The following MALRD1 variants were observed in gnomAD, a reference collection of about 807,000 sequenced individuals.
The protein encoded by MALRD1 is MAM and LDL receptor class A domain containing 1, also known as MAM and LDL-receptor class A domain-containing protein 1.
MALRD1 carries 247 observed loss-of-function variants against 242.1 expected under a neutral mutation model. That is an observed-to-expected ratio of 1.02 (90% CI 0.92 to 1.13). The LOEUF (loss-of-function observed/expected upper bound fraction) is 1.13, where lower values mean the gene tolerates loss of function less well. Ranked by LOEUF, MALRD1 falls within the 50% of genes most tolerant of loss-of-function variation. The pLI is 0.00. For missense variants in MALRD1, 2,989 were observed against 2,533.1 expected (o/e 1.18, Z -3.86); for synonymous variants, 995 against 866.6 (o/e 1.15, Z -2.60).
chr10:19,350,271 C>CTTTTT (rs202204577), intron 25 of MALRD1, among the ~76,000 whole-genome samples: 2 of 118,482 alleles, frequency 1.7e-5, no homozygotes, highest in Non-Finnish European at 3.3e-5. Context: ...TTCTTTTTTT[C>CTTTTT]TTTTTTTTTT....
intron 31 of MALRD1, among the ~76,000 whole-genome samples, chr10:19,500,217 G>A (rs966166033): frequency 6.6e-6 from 1 of 152,136 alleles, no homozygotes; most frequent in African/African-American, 2.4e-5. Context: ...CCTTTAAATT[G>A]AATATTCTAA....
At chr10:19,180,070 G>A (rs751772628) in intron 14 of MALRD1, among the ~76,000 whole-genome samples, 1 of 152,128 alleles carries the variant, frequency 6.6e-6, no homozygotes, top group Non-Finnish European at 1.5e-5. Context: ...TTAAAAAGAG[G>A]CAAGAGGAAA....
chr10:19,655,576 A>T (rs1841116575), intron 36 of MALRD1, among the ~76,000 whole-genome samples: 1 of 142,252 alleles, frequency 7.0e-6, no homozygotes. Flanking sequence ...ATATATGGAG[A>T]TAATTTTATT....
At chr10:19,486,381 A>G (rs1302309414) in intron 29 of MALRD1, among the ~76,000 whole-genome samples, 1 of 152,176 alleles carries the variant, frequency 6.6e-6, no homozygotes, top group Non-Finnish European at 1.5e-5. Context: ...CAATGCATCT[A>G]GATGTTTACT....
chr10:19,181,887 G>T (rs1280710671), intron 14 of MALRD1, among the ~76,000 whole-genome samples: 2 of 152,062 alleles, frequency 1.3e-5, no homozygotes, highest in Non-Finnish European at 2.9e-5. Context: ...AAGAAGCTTA[G>T]TCTATTAGGT....
chr10:19,723,920 T>A (rs1016457440), intron 38 of MALRD1, among the ~76,000 whole-genome samples: 8 of 150,202 alleles, frequency 5.3e-5, no homozygotes, highest in African/African-American at 2.0e-4. Flanking sequence ...TAGCCAGGTG[T>A]GTTGGCATGC....
intron 28 of MALRD1, among the ~76,000 whole-genome samples, chr10:19,411,367 A>G (rs572300637): frequency 6.6e-6 from 1 of 152,316 alleles, no homozygotes; most frequent in East Asian, 1.9e-4. Flanking sequence ...CTCTAATACC[A>G]GTATTATCCA....
chr10:19,680,432 GTGTTT>G (rs1408501216), intron 36 of MALRD1, among the ~76,000 whole-genome samples: 1 of 152,010 alleles, frequency 6.6e-6, no homozygotes. Context: ...GGTTTAAAGT[GTGTTT>G]TGCCAGAAAC....
intron 19 of MALRD1, among the ~76,000 whole-genome samples, chr10:19,272,545 C>T (rs1046675625): frequency 2.0e-5 from 3 of 151,886 alleles, no homozygotes; most frequent in South Asian, 2.1e-4. Flanking sequence ...TTTTAAGTTC[C>T]GGGATACATG....
At chr10:19,432,327 A>T (rs573421082) in intron 28 of MALRD1, among the ~76,000 whole-genome samples, 4 of 152,190 alleles carry the variant, frequency 2.6e-5, no homozygotes, top group Non-Finnish European at 4.4e-5. Flanking sequence ...CCTTTGGTGA[A>T]TTTTGAAATG....
chr10:19,650,752 G>A (rs1037382426), intron 36 of MALRD1, among the ~76,000 whole-genome samples: 8 of 152,136 alleles, frequency 5.3e-5, no homozygotes, highest in African/African-American at 1.9e-4. Context: ...ATTTTAATAC[G>A]TCTTAACATT....
intron 12 of MALRD1, among the ~76,000 whole-genome samples, chr10:19,165,242 A>AATATATATATATATAT (rs57449195): frequency 0.021 from 1,471 of 69,394 alleles, 104 homozygotes; most frequent in African/African-American, 0.046. Flanking sequence ...AGTTGTTTGG[A>AATATATATATATATAT]ATATATATAT....
At chr10:19,167,403 G>A (rs1834740971) in intron 13 of MALRD1, among the ~76,000 whole-genome samples, 2 of 151,990 alleles carry the variant, frequency 1.3e-5, no homozygotes, top group South Asian at 4.1e-4. Context: ...GGAAGTTACC[G>A]AAGCCCTCTA....
At chr10:19,612,897 A>C (rs1395537792) in intron 35 of MALRD1, among the ~76,000 whole-genome samples, 2 of 151,968 alleles carry the variant, frequency 1.3e-5, no homozygotes, top group Non-Finnish European at 2.9e-5. Flanking sequence ...CACCTCTAAC[A>C]CTGGGGATCA....
chr10:19,657,877 A>G (rs11813014), intron 36 of MALRD1, among the ~76,000 whole-genome samples: 16,379 of 152,106 alleles, frequency 0.11, 2,237 homozygotes, highest in African/African-American at 0.32. Flanking sequence ...GCCAGGTACA[A>G]CAGCTCATGC....
intron 36 of MALRD1, among the ~76,000 whole-genome samples, chr10:19,650,802 C>G (rs1216931604): frequency 2.6e-5 from 4 of 152,158 alleles, no homozygotes; most frequent in Non-Finnish European, 4.4e-5. Flanking sequence ...TTCAATTCAG[C>G]TCAGGCTCTC....
intron 18 of MALRD1, among the ~76,000 whole-genome samples, chr10:19,231,465 T>G (rs984251385): frequency 2.6e-5 from 4 of 152,284 alleles, no homozygotes; most frequent in East Asian, 3.9e-4. Context: ...TGTCTCTGCC[T>G]GAATCTCACC....
At chr10:19,666,193 A>G (rs2131745498) in intron 36 of MALRD1, among the ~76,000 whole-genome samples, 1 of 152,212 alleles carries the variant, frequency 6.6e-6, no homozygotes, top group Non-Finnish European at 1.5e-5. Flanking sequence ...TTTTACCTGT[A>G]TTTATTTCCA....
intron 36 of MALRD1, among the ~76,000 whole-genome samples, chr10:19,651,277 A>G (rs1399415688): frequency 3.3e-5 from 5 of 152,190 alleles, no homozygotes. Flanking sequence ...ATCCTTGAAT[A>G]TGTTGGGATG....
Sources: allele counts gnomAD v4.1 joint callset (sites outside exome capture counted in the v4.1 genomes callset), GRCh38; gene constraint gnomAD v4.1.1; transcripts MANE v1.5; gene names NCBI Gene and HGNC (gene_info 2026-07-23, HGNC 2026-07-21).